The following COLGALT2 variants were observed in gnomAD, a reference collection of about 807,000 sequenced individuals.
COLGALT2 encodes collagen beta(1-O)galactosyltransferase 2.
COLGALT2 carries 49 observed loss-of-function variants against 73.4 expected under a neutral mutation model. The ratio of observed to expected loss-of-function variants is 0.67; its 90% CI spans 0.53 to 0.85. The LOEUF (loss-of-function observed/expected upper bound fraction) is 0.85. Among genes scored for constraint, COLGALT2 ranks in the 40% least tolerant of loss-of-function variants. COLGALT2 has a pLI of 0.00. For synonymous variants in COLGALT2, 295 were observed against 307.6 expected (o/e 0.96, Z 0.43); for missense variants, 722 against 790.2 (o/e 0.91, Z 1.03).
chr1:184,027,980 G>A (rs1649381139), intron 1 of COLGALT2, among the ~76,000 whole-genome samples: 1 of 152,184 alleles, frequency 6.6e-6, no homozygotes, highest in South Asian at 2.1e-4. Context: ...AAGCAGTGGC[G>A]TGGAAGCTGC....
chr1:183,968,588 C>A (rs1670942654), intron 5 of COLGALT2, among the ~76,000 whole-genome samples: 1 of 152,172 alleles, frequency 6.6e-6, no homozygotes, highest in Admixed American at 6.5e-5. Flanking sequence ...ACATTCTGAG[C>A]CTCCCTTACA....
intron 4 of COLGALT2, among the ~76,000 whole-genome samples, chr1:183,971,861 T>C (rs147438708): frequency 4.6e-5 from 7 of 152,360 alleles, no homozygotes; most frequent in Admixed American, 2.6e-4. Context: ...TTTTAATAGC[T>C]GTATCATCAA....
intron 6 of COLGALT2, among the ~76,000 whole-genome samples, chr1:183,960,583 T>C (rs1202214690): frequency 2.6e-5 from 4 of 152,238 alleles, no homozygotes; most frequent in African/African-American, 4.8e-5. Context: ...TTTGAATCCC[T>C]AGTACCTTCA....
chr1:183,945,425 T>C lies in COLGALT2; in HGVS notation c.1269+7A>G, dbSNP rs970110139. 10 of 1,613,438 alleles carry C rather than the reference T, an allele frequency of 6.2e-6. No homozygotes were observed. In the Admixed American group the frequency reaches 1.5e-4, roughly 24 times the overall value. ...TAAAACTGCAATCTGAATAAAGCAT[T>C]ATTTACCTCTTTCCAGACTGAGTAG... On this transcript the variant is annotated splice_region_variant and intron_variant, in intron 9 of 11. Transcript: ENST00000361927.
At chr1:183,960,851 A>G (rs1670680318) in intron 6 of COLGALT2, among the ~76,000 whole-genome samples, 1 of 152,290 alleles carries the variant, frequency 6.6e-6, no homozygotes, top group East Asian at 1.9e-4. Flanking sequence ...AGTGTGGCCC[A>G]GGGAAGTCAA....
At chr1:184,002,615 C>T (rs10911485) in intron 1 of COLGALT2, among the ~76,000 whole-genome samples, 17,116 of 152,176 alleles carry the variant, frequency 0.11, 1,527 homozygotes, top group East Asian at 0.44. Context: ...CTTATTGGGA[C>T]CTCAGAGATA....
intron 1 of COLGALT2, among the ~76,000 whole-genome samples, chr1:184,021,899 C>T (rs927843001): frequency 1.3e-5 from 2 of 152,208 alleles, no homozygotes; most frequent in African/African-American, 4.8e-5. Flanking sequence ...ACAGGATTTG[C>T]AGCCCATGTC....
intron 6 of COLGALT2, 62 bp from the exon 7 acceptor site, chr1:183,954,900 C>T (rs1670510994): frequency 2.4e-6 from 3 of 1,242,504 alleles, no homozygotes; most frequent in African/African-American, 1.5e-5. Context: ...ATCAGAATTC[C>T]ATCCGCATGC....
intron 6 of COLGALT2, 132 bp downstream of exon 6, chr1:183,963,769 T>C: frequency 1.0e-6 from 1 of 965,690 alleles, no homozygotes; most frequent in Non-Finnish European, 1.5e-6. Flanking sequence ...AATGAACAAA[T>C]AAATAGCTAT....
chr1:183,960,160 C>T (rs1367960145), intron 6 of COLGALT2, among the ~76,000 whole-genome samples: 2 of 151,856 alleles, frequency 1.3e-5, no homozygotes, highest in Admixed American at 6.6e-5. Context: ...TCATTGGCTC[C>T]TTAAGATAGG....
rs1670038830 is a variant in COLGALT2, at chr1:183,939,007, C to T, written c.1635G>A (p.Arg545=). 1.9e-6 allele frequency: 3 copies of T among 1,613,918 alleles called. No homozygotes were observed. Among genetic ancestry groups the T allele is most frequent in the South Asian group, 1.1e-5 (1 of 91,072 alleles). Residue 545 remains arginine (R), a synonymous_variant, in exon 12 of 12, where the codon AGG becomes AGA. Transcript: ENST00000361927. Reference sequence around the variant, plus strand: ...GTTCTGCAGAGAAGGCTTTCAGGTCCCTGGATTCATAATACTCCTTGTACT... The same window carrying T: ...GTTCTGCAGAGAAGGCTTTCAGGTCTCTGGATTCATAATACTCCTTGTACT... The part of the protein sequence containing the change: ...VAEYKEYYES[R]DLKAFSAEPL...
chr1:184,003,368 G>A (rs1671980544), intron 1 of COLGALT2, among the ~76,000 whole-genome samples: 1 of 112,942 alleles, frequency 8.9e-6, no homozygotes, highest in African/African-American at 7.3e-5. Flanking sequence ...GCCATGCTGT[G>A]AGGAAGCCAA....
intron 6 of COLGALT2, among the ~76,000 whole-genome samples, chr1:183,962,917 C>T (rs193096805): frequency 9.8e-5 from 15 of 152,342 alleles, no homozygotes; most frequent in African/African-American, 2.4e-4. Flanking sequence ...AGCCTCTTGG[C>T]GGGGCTCCTG....
At chr1:184,010,175 A>G (rs2102846374) in intron 1 of COLGALT2, among the ~76,000 whole-genome samples, 1 of 152,340 alleles carries the variant, frequency 6.6e-6, no homozygotes, top group South Asian at 2.1e-4. Context: ...GAGAGACTAC[A>G]TACCCCGACT....
At chr1:184,024,251 A>C (rs1327387090) in intron 1 of COLGALT2, among the ~76,000 whole-genome samples, 1 of 152,230 alleles carries the variant, frequency 6.6e-6, no homozygotes, top group Non-Finnish European at 1.5e-5. Flanking sequence ...ACAGTGGTAC[A>C]TGACATAGAC....
At chr1:184,035,851 G>T (rs1264159205) in intron 1 of COLGALT2, among the ~76,000 whole-genome samples, 3 of 152,108 alleles carry the variant, frequency 2.0e-5, no homozygotes, top group African/African-American at 7.2e-5. Flanking sequence ...GCCCTTCTCC[G>T]CCAGGCGGTC....
Position 183,938,617 on chromosome 1 carries a change from G to T in COLGALT2, c.*144C>A. The T allele has an allele frequency of 7.0e-6, 10 of 1,424,878 alleles. No homozygotes were observed. Among genetic ancestry groups the T allele is most frequent in the South Asian group, 3.3e-5 (2 of 60,990 alleles). 88.3% of individuals were successfully genotyped at this position (1,424,878 alleles called of 1,614,324 possible). A position where few individuals can be genotyped will look rare whatever the true frequency, so the allele number is the denominator to read the frequency against. ...CCATGGTCAAAAATATGTTAATTTC[G>T]ATCTATCACACTAGATCACTTTGGT... On this transcript the variant is annotated 3_prime_UTR_variant, in exon 12 of 12. Transcript: ENST00000361927.
At chr1:184,023,526 C>A (rs1649237102) in intron 1 of COLGALT2, among the ~76,000 whole-genome samples, 1 of 151,900 alleles carries the variant, frequency 6.6e-6, no homozygotes, top group South Asian at 2.1e-4. Context: ...TTTCCTTACA[C>A]AGCAGACTGA....
chr1:183,999,430 G>A lies in COLGALT2; in HGVS notation c.264-20910C>T, dbSNP rs111907956. 1.7e-3 allele frequency among the ~76,000 whole-genome samples: 260 copies of A among 151,830 alleles called. 1 individual carries two copies. Among genetic ancestry groups the A allele is most frequent in the African/African-American group, 6.1e-3 (251 of 41,434 alleles). The stretch of plus-strand genomic sequence containing the variant: ...TAGGTAGTATTTTCTTTTATTATAC[G>A]GTCCTCATATGATTTTAGTATTACG... On this transcript the variant is annotated intron_variant, in intron 1 of 11. Coordinates refer to ENST00000361927, the MANE Select transcript of COLGALT2 (RefSeq NM_015101.4).
Sources: gnomAD v4.1 joint callset for allele counts (sites outside exome capture counted in the v4.1 genomes callset) on GRCh38, gnomAD v4.1.1 for gene constraint, MANE v1.5 for transcripts, NCBI Gene and HGNC (gene_info 2026-07-23, HGNC 2026-07-21) for gene names.